FANCD2: variants seen among roughly 807,000 people sequenced by gnomAD.
FANCD2 encodes the protein FA complementation group D2.
Under a neutral mutation model 192.3 loss-of-function variants are expected in FANCD2, and 131 were observed. The ratio of observed to expected loss-of-function variants is 0.68; its 90% CI spans 0.59 to 0.79. FANCD2 has a LOEUF of 0.79. Ranked by LOEUF, FANCD2 falls within the 30% of genes least tolerant of loss-of-function variation. The pLI is 0.00. For missense variants in FANCD2, 1,508 were observed against 1,701.6 expected (o/e 0.89, Z 2.00); for synonymous variants, 524 against 612.5 (o/e 0.86, Z 2.13).
intron 26 of FANCD2, 111 bp downstream of exon 26, chr3:10,067,428 C>A (rs1372552226): frequency 3.4e-5 from 24 of 710,160 alleles, no homozygotes; most frequent in Non-Finnish European, 5.1e-5. Context: ...AAAAAGAAAT[C>A]TCAGGCCAAT....
intron 9 of FANCD2, chr3:10,040,824 A>C (rs1227563792): frequency 6.3e-6 from 2 of 317,682 alleles, no homozygotes; most frequent in African/African-American, 4.5e-5. Context: ...CCTTCTGGGC[A>C]AAGTACTACG....
intron 18 of FANCD2, among the ~76,000 whole-genome samples, chr3:10,057,678 G>T (rs2087454498): frequency 6.6e-6 from 1 of 152,066 alleles, no homozygotes; most frequent in Non-Finnish European, 1.5e-5. Context: ...TAAGTTTTAA[G>T]ATGGCACTCA....
chr3:10,051,237 C>T (rs1392056317), intron 17 of FANCD2, among the ~76,000 whole-genome samples: 2 of 147,234 alleles, frequency 1.4e-5, no homozygotes, highest in Admixed American at 6.8e-5. Context: ...AAAAATTAGC[C>T]GGGCGTAGTG....
chr3:10,089,053 C>T, intron 36 of FANCD2, 103 bp downstream of exon 36: 1 of 1,292,918 alleles, frequency 7.7e-7, no homozygotes, highest in South Asian at 1.2e-5. Context: ...GAGGCTGAGG[C>T]AGGAGGATCA....
chr3:10,062,912 G>C (rs761727308), intron 20 of FANCD2, among the ~76,000 whole-genome samples: 7 of 151,994 alleles, frequency 4.6e-5, no homozygotes, highest in African/African-American at 7.2e-5. Context: ...TGTTGACCAG[G>C]CTGGTCTCAA....
intron 17 of FANCD2, 34 bp from the exon 18 acceptor site, chr3:10,052,353 G>A: frequency 7.6e-7 from 1 of 1,308,180 alleles, no homozygotes; most frequent in South Asian, 1.2e-5. Context: ...AATGTTAGCT[G>A]CTAGCCTCAT....
intron 38 of FANCD2, among the ~76,000 whole-genome samples, chr3:10,092,866 A>G (rs1575858451): frequency 6.6e-6 from 1 of 150,778 alleles, no homozygotes; most frequent in African/African-American, 2.4e-5. Context: ...TAATTTTTCT[A>G]TTTTTTGTGG....
At chr3:10,027,776 G>T (rs2086489887) in intron 1 of FANCD2, among the ~76,000 whole-genome samples, 1 of 151,880 alleles carries the variant, frequency 6.6e-6, no homozygotes, top group African/African-American at 2.4e-5. Flanking sequence ...GTGGTGGCGG[G>T]CGCCTGTAGT....
Position 10,047,902 on chromosome 3 carries a change from T to C in FANCD2, c.1279-15T>C. ...CCTACAGCTTCTTTTCTCTCTCTAC[T>C]CTTCCCCACTCAAGGTTCTTAAGGA... On this transcript the variant is annotated splice_polypyrimidine_tract_variant and intron_variant, in intron 15 of 43. Transcript: ENST00000675286. The C allele has an allele frequency of 6.2e-7, 1 of 1,612,138 alleles. No individual in the cohort carries two copies. Among genetic ancestry groups the C allele is most frequent in the East Asian group, 2.2e-5 (1 of 44,880 alleles).
At position 10,043,074 on chromosome 3, in the gene FANCD2, T is replaced by C; in HGVS notation, c.913T>C (p.Leu305=). 6.2e-7 allele frequency: 1 copy of C among 1,614,096 alleles called. No individual in the cohort carries two copies. Among genetic ancestry groups the C allele is most frequent in the Non-Finnish European group, 8.5e-7 (1 of 1,180,012 alleles). Residue 305 remains leucine (L), a synonymous_variant, in exon 12 of 44, where the codon TTG becomes CTG. Transcript: ENST00000675286. The part of the protein sequence containing the change: ...LEVISELREK[L]DLQHCVLPSR... ...GGTAATTTCTGAGCTTCGGGAGAAG[T>C]TGGATCTGCAGCATTGTGTTTTGCC...
intron 6 of FANCD2, among the ~76,000 whole-genome samples, chr3:10,035,994 G>GCC: frequency 6.6e-6 from 1 of 151,692 alleles, no homozygotes; most frequent in East Asian, 1.9e-4. Context: ...TAAAAATGAA[G>GCC]ACATATTCGT....
rs147532349 is a variant in FANCD2 at position 10,064,823 on chromosome 3, C to G, written c.2116C>G (p.Gln706Glu). The part of the protein sequence containing the change: ...AINLLPLLFS[Q>E]DFAKDGGPVT... ...AAACCTCCTGCCGCTGCTGTTTTCT[C>G]AGGACTTTGCAAAAGATGGGGGTCC... Residue 706 changes from glutamine to glutamate, a missense_variant, in exon 23 of 44, where the codon CAG becomes GAG. Gln to Glu is a conservative substitution (Grantham distance 29). Coordinates refer to ENST00000675286, the MANE Select transcript of FANCD2 (RefSeq NM_001018115.3). 113 of 1,613,818 alleles carry G rather than the reference C, an allele frequency of 7.0e-5. No individual in the cohort carries two copies. Among genetic ancestry groups the G allele is most frequent in the Non-Finnish European group, 9.4e-5 (111 of 1,179,824 alleles).
At chr3:10,041,989 A>G (rs2086876347) in intron 10 of FANCD2, among the ~76,000 whole-genome samples, 1 of 151,362 alleles carries the variant, frequency 6.6e-6, no homozygotes, top group South Asian at 2.1e-4. Flanking sequence ...ACCTCTACCT[A>G]CCAAGTTCAA....
intron 2 of FANCD2, among the ~76,000 whole-genome samples, chr3:10,031,383 G>A (rs1177205982): frequency 6.6e-6 from 1 of 151,880 alleles, no homozygotes; most frequent in Admixed American, 6.6e-5. Context: ...TGCACCTGTA[G>A]TCCCAGCTAC....
At chr3:10,050,515 C>T (rs2087167463) in intron 17 of FANCD2, among the ~76,000 whole-genome samples, 2 of 149,334 alleles carry the variant, frequency 1.3e-5, no homozygotes, top group African/African-American at 4.9e-5. Flanking sequence ...CCCAGCTACT[C>T]AAGAGGCTGA....
At chr3:10,034,366 T>C in intron 3 of FANCD2, 103 bp from the exon 4 acceptor site, 1 of 762,970 alleles carries the variant, frequency 1.3e-6, no homozygotes, top group Admixed American at 2.1e-5. Context: ...TGAAATTAGG[T>C]TGAAAATATT....
intron 19 of FANCD2, 144 bp downstream of exon 19, chr3:10,060,547 C>A: frequency 1.4e-6 from 1 of 702,590 alleles, no homozygotes; most frequent in Non-Finnish European, 2.6e-6. Flanking sequence ...ATGTTCCCTT[C>A]TAATCGTGAC....
At position 10,042,569 on chromosome 3, in the gene FANCD2, T is replaced by G; in HGVS notation, c.794T>G (p.Leu265Trp). The change falls in exon 11 of 44, where the codon TTG (leucine) becomes TGG (tryptophan). Residue 265 changes from leucine to tryptophan, a missense_variant. By Grantham distance (61) the Leu-to-Trp change is moderately conservative. Coordinates refer to ENST00000675286, the MANE Select transcript of FANCD2 (RefSeq NM_001018115.3). ...DPNFLLKVRQ[L>W]VMDKLSSIRL... ...GCTTTTAATTTTTAGGTTCGCCAGT[T>G]GGTGATGGATAAGTTGTCGTCTATT... The G allele has an allele frequency of 6.2e-7, 1 of 1,613,918 alleles. No individual in the cohort carries two copies. The highest frequency in any genetic ancestry group is 8.5e-7 in the Non-Finnish European group (1 of 1,179,808).
intron 32 of FANCD2, among the ~76,000 whole-genome samples, chr3:10,081,958 G>A (rs976613723): frequency 9.2e-5 from 14 of 152,198 alleles, no homozygotes; most frequent in African/African-American, 2.9e-4. Flanking sequence ...AGGGACAGGC[G>A]TTGGGCTCTC....
Sources: gnomAD v4.1 joint callset for allele counts (sites outside exome capture counted in the v4.1 genomes callset) on GRCh38, gnomAD v4.1.1 for gene constraint, MANE v1.5 for transcripts, NCBI Gene and HGNC (gene_info 2026-07-23, HGNC 2026-07-21) for gene names.